The following EDNRB variants were observed in gnomAD, a reference collection of about 807,000 sequenced individuals.
EDNRB encodes the protein Hirschsprung disease 2.
In EDNRB, 18 loss-of-function variants were observed where a neutral mutation model predicts 46.4. The ratio of observed to expected loss-of-function variants is 0.39; its 90% CI spans 0.27 to 0.57. The LOEUF is 0.57. Among genes scored for constraint, EDNRB ranks in the 20% least tolerant of loss-of-function variants. The probability of loss-of-function intolerance (pLI) is 0.61; values close to 1 mark genes in which losing one functional copy is unlikely to be tolerated. For missense variants in EDNRB, 434 were observed against 537.5 expected (o/e 0.81, Z 1.90); for synonymous variants, 213 against 204.9 (o/e 1.04, Z -0.34).
intron 1 of EDNRB, among the ~76,000 whole-genome samples, chr13:77,963,175 C>T (rs78761937): frequency 2.9e-4 from 44 of 152,274 alleles, no homozygotes; most frequent in African/African-American, 8.2e-4. Flanking sequence ...TAATCAATAT[C>T]GTGAAAATGT....
At chr13:77,937,756 C>T (rs148716061) in intron 1 of EDNRB, among the ~76,000 whole-genome samples, 2,189 of 151,632 alleles carry the variant, frequency 0.014, 44 homozygotes, top group East Asian at 0.025. Context: ...CTTAGCCTGG[C>T]GATGAGGGGA....
At chr13:77,971,578 C>T (rs1469581841) in intron 1 of EDNRB, among the ~76,000 whole-genome samples, 1 of 142,682 alleles carries the variant, frequency 7.0e-6, no homozygotes, top group African/African-American at 2.7e-5. Context: ...CTGGGGCCAA[C>T]ATGAGTTTTT....
chr13:77,917,917 T>C (rs1879889205), intron 1 of EDNRB, among the ~76,000 whole-genome samples, 174 bp downstream of exon 1: 1 of 152,106 alleles, frequency 6.6e-6, no homozygotes, highest in South Asian at 2.1e-4. Context: ...TTACTGACTT[T>C]TATGAGTGGA....
upstream of EDNRB, among the ~76,000 whole-genome samples, chr13:77,920,954 C>T (rs892733094): frequency 1.3e-5 from 2 of 152,118 alleles, no homozygotes; most frequent in African/African-American, 4.8e-5. Context: ...TCCCCACTGG[C>T]CTTCTCATCA....
chr13:77,903,694 C>T, intron 1 of EDNRB, 87 bp from the exon 2 acceptor site: 1 of 1,113,428 alleles, frequency 9.0e-7, no homozygotes, highest in South Asian at 1.3e-5. Flanking sequence ...AATTAACATG[C>T]AGAGTAGGAT....
At chr13:77,906,081 G>A (rs372335891) in intron 1 of EDNRB, among the ~76,000 whole-genome samples, 95 of 152,034 alleles carry the variant, frequency 6.2e-4, no homozygotes, top group African/African-American at 2.2e-3. Context: ...TGTGAAGAGC[G>A]GGTTATAGGC....
At chr13:77,900,856 C>G (rs1305461619) in intron 4 of EDNRB, among the ~76,000 whole-genome samples, 1 of 151,710 alleles carries the variant, frequency 6.6e-6, no homozygotes, top group African/African-American at 2.4e-5. Context: ...TCTGATTCTC[C>G]CTAGATCCTT....
intron 1 of EDNRB, among the ~76,000 whole-genome samples, chr13:77,957,558 G>T (rs1881276077): frequency 1.3e-5 from 2 of 152,118 alleles, no homozygotes; most frequent in Non-Finnish European, 2.9e-5. Context: ...TGTCATTTGG[G>T]AATAACAATA....
intron 1 of EDNRB, among the ~76,000 whole-genome samples, chr13:77,956,240 C>G (rs146852089): frequency 6.6e-6 from 1 of 152,182 alleles, no homozygotes; most frequent in African/African-American, 2.4e-5. Context: ...TGTTCACCCT[C>G]TTGGTTAGAT....
At chr13:77,948,982 T>G (rs1469888394) in intron 1 of EDNRB, among the ~76,000 whole-genome samples, 1 of 152,248 alleles carries the variant, frequency 6.6e-6, no homozygotes, top group Non-Finnish European at 1.5e-5. Context: ...AACATTTATC[T>G]GCAAATATGA....
intron 1 of EDNRB, among the ~76,000 whole-genome samples, chr13:77,938,200 G>C (rs1043080758): frequency 6.6e-6 from 1 of 152,104 alleles, no homozygotes; most frequent in African/African-American, 2.4e-5. Flanking sequence ...CCAGAGAAAA[G>C]AGAGAGTAGA....
At chr13:77,919,269 AT>A, upstream of EDNRB, 4 of 1,024,666 alleles carry the variant, frequency 3.9e-6, no homozygotes, top group Non-Finnish European at 5.5e-6. Flanking sequence ...ACCCAACCTA[AT>A]TTTAATTTGC....
upstream of EDNRB, among the ~76,000 whole-genome samples, chr13:77,920,429 AC>A (rs1880047528): frequency 6.6e-6 from 1 of 152,118 alleles, no homozygotes; most frequent in Non-Finnish European, 1.5e-5. Flanking sequence ...CAAAATCCCT[AC>A]TGGATCTGTG....
chr13:77,927,631 C>T lies in EDNRB; in HGVS notation c.-51-9007G>A, dbSNP rs528502931. On this transcript the variant is annotated intron_variant, in intron 1 of 7. Coordinates refer to the EDNRB transcript ENST00000646948. ...TTACTGGGATGCTTTGCATGAAATT[C>T]GTCCACAGCAAGAGCTGTAACATAT... Among the ~76,000 whole-genome samples, 6 of 152,280 alleles carry T rather than the reference C, an allele frequency of 3.9e-5. No homozygotes were observed. The South Asian group carries it at 8.3e-4, about 21-fold the overall frequency.
intron 1 of EDNRB, among the ~76,000 whole-genome samples, chr13:77,961,939 A>G (rs1881425931): frequency 6.6e-6 from 1 of 152,214 alleles, no homozygotes; most frequent in Non-Finnish European, 1.5e-5. Context: ...AAAAAATGAT[A>G]AAGGGGATAT....
chr13:77,919,068 C>A (rs1262985626), upstream of EDNRB: 1 of 508,240 alleles, frequency 2.0e-6, no homozygotes, highest in East Asian at 5.0e-5. Context: ...CTCTATACCC[C>A]GCGATTGAAC....
chr13:77,955,852 T>TCTAA (rs1555294673), intron 1 of EDNRB, among the ~76,000 whole-genome samples: 1 of 131,892 alleles, frequency 7.6e-6, no homozygotes, highest in Non-Finnish European at 1.6e-5. Flanking sequence ...TGTGTATCTA[T>TCTAA]CTATCTATCT....
intron 6 of EDNRB, among the ~76,000 whole-genome samples, chr13:77,898,758 T>C (rs929522795): frequency 6.6e-6 from 1 of 151,976 alleles, no homozygotes; most frequent in Admixed American, 6.6e-5. Flanking sequence ...GTACTGTATG[T>C]ATACTCCATA....
At chr13:77,925,476 T>C (rs1880210978) in intron 1 of EDNRB, among the ~76,000 whole-genome samples, 1 of 152,174 alleles carries the variant, frequency 6.6e-6, no homozygotes, top group Non-Finnish European at 1.5e-5. Flanking sequence ...AATAAATGGC[T>C]AAAAGGGGCC....
Sources: allele counts gnomAD v4.1 joint callset (sites outside exome capture counted in the v4.1 genomes callset), GRCh38; gene constraint gnomAD v4.1.1; transcripts MANE v1.5; gene names NCBI Gene and HGNC (gene_info 2026-07-23, HGNC 2026-07-21).